The following CBLC variants were observed in gnomAD, a reference collection of about 807,000 sequenced individuals.
The protein encoded by CBLC is E3 ubiquitin-protein ligase CBL-C.
Under a neutral mutation model 58.6 loss-of-function variants are expected in CBLC, and 46 were observed. The observed-to-expected ratio is 0.79, with a 90% confidence interval of 0.62 to 1.00. The LOEUF (loss-of-function observed/expected upper bound fraction) is 1.00, where lower values mean the gene tolerates loss of function less well. Among genes scored for constraint, CBLC ranks in the 50% least tolerant of loss-of-function variants. The pLI is 0.00. For missense variants in CBLC, 655 were observed against 625.8 expected, an observed-to-expected ratio of 1.05 and a Z score of -0.50; for synonymous variants, 271 against 264.2, an observed-to-expected ratio of 1.03 and a Z score of -0.25.
intron 4 of CBLC, among the ~76,000 whole-genome samples, chr19:44,783,813 C>T (rs1967812483): frequency 6.6e-6 from 1 of 152,180 alleles, no homozygotes; most frequent in Non-Finnish European, 1.5e-5. Flanking sequence ...CTGTTTGCTT[C>T]ATTCTCAAAC....
chr19:44,798,651 C>T lies in CBLC; in HGVS notation c.1363-1730C>T, dbSNP rs79669907. The stretch of plus-strand genomic sequence containing the variant: ...AATCGCTTGATTCTCGCTTGATTAT[C>T]GCTTCCGCCAGGAGGTGGAAGTTGC... On this transcript the variant is annotated intron_variant, in intron 9 of 10. Coordinates refer to ENST00000647358, the MANE Select transcript of CBLC (RefSeq NM_012116.4). Among the ~76,000 whole-genome samples the T allele has an allele frequency of 6.7e-3, 1,020 of 152,168 alleles. 12 individuals carry two copies. Among genetic ancestry groups the T allele is most frequent in the African/African-American group, 0.024 (976 of 41,528 alleles).
chr19:44,781,184 T>TC, intron 2 of CBLC, 23 bp from the exon 3 acceptor site: 1 of 1,596,878 alleles, frequency 6.3e-7, no homozygotes, highest in Non-Finnish European at 8.5e-7. Context: ...CAGCGGTGTC[T>TC]CCCCCACCCC....
chr19:44,797,722 T>C (rs977018831), intron 9 of CBLC, among the ~76,000 whole-genome samples: 2 of 146,032 alleles, frequency 1.4e-5, no homozygotes, highest in African/African-American at 5.0e-5. Context: ...GCCATTGCAC[T>C]CCAGCCTGGG....
rs753946761 is a variant in CBLC at position 44,782,422 on chromosome 19, G to A, written c.710G>A (p.Gly237Asp). The A allele has an allele frequency of 1.2e-6, 2 of 1,613,722 alleles. No homozygotes were observed. Among genetic ancestry groups the A allele is most frequent in the East Asian group, 4.5e-5 (2 of 44,878 alleles). ...CAGCTCCTGGCAGTCAACCACCCAG[G>A]CTACATGGCCTTCCTCACCTATGAT... ...NWQLLAVNHP[G>D]YMAFLTYDEV... The change falls in exon 4 of 11, where the codon GGC becomes GAC. Residue 237 changes from glycine (G) to aspartate (D), a missense_variant. Gly to Asp is a moderately conservative substitution (Grantham distance 94). This residue lies in a region of CBLC where 371 missense variants were observed against 370.8 expected (regional missense o/e 1.00). Transcript: ENST00000647358.
intron 1 of CBLC, among the ~76,000 whole-genome samples, chr19:44,780,630 G>A (rs934165263): frequency 1.3e-5 from 2 of 150,422 alleles, no homozygotes; most frequent in African/African-American, 2.4e-5. Context: ...GCGCCACCAC[G>A]CCAGGCTAAT....
At position 44,784,260 on chromosome 19, in the gene CBLC, C is replaced by G. The variant is rs377370583; in HGVS notation, c.780-4C>G. The G allele has an allele frequency of 5.8e-6, 9 of 1,564,386 alleles. No homozygotes were observed. The highest frequency in any genetic ancestry group is 7.9e-6 in the Non-Finnish European group (9 of 1,141,260). On this transcript the variant is annotated splice_region_variant and splice_polypyrimidine_tract_variant and intron_variant, in intron 4 of 10. Coordinates refer to ENST00000647358, the MANE Select transcript of CBLC (RefSeq NM_012116.4). ...CACCCCATCCTACCTACCTCTCCCT[C>G]CAGTTACATCTTCCGGCCCAGCTGT... is the stretch of plus-strand genomic sequence containing the variant.
In CBLC at chr19:44,782,486, A is replaced by G; in HGVS notation, c.774A>G (p.Pro258=). Residue 258 remains proline (P), a synonymous_variant, in exon 4 of 11, where the codon CCA becomes CCG. Coordinates refer to ENST00000647358, the MANE Select transcript of CBLC (RefSeq NM_012116.4). Reference sequence around the variant, plus strand: ...GTCTGCAGGCCTGCAGGGACAAGCCAGGCAGGTAAAGGGTCCAGGGCTCAG... The same window carrying G: ...GTCTGCAGGCCTGCAGGGACAAGCCGGGCAGGTAAAGGGTCCAGGGCTCAG... ...QERLQACRDK[P]GSYIFRPSCT... 6.2e-7 allele frequency: 1 copy of G among 1,613,200 alleles called. No homozygotes were observed. Among genetic ancestry groups the G allele is most frequent in the South Asian group, 1.1e-5 (1 of 91,054 alleles).
rs114699167 is a variant in CBLC at position 44,794,337 on chromosome 19, C to T, written c.1362+56C>T. On this transcript the variant is annotated intron_variant, in intron 9 of 10. Coordinates refer to ENST00000647358, the MANE Select transcript of CBLC (RefSeq NM_012116.4). ...CTGGGGTCTCACTCACCTCCAGGGTCCCTGGTTCACCTGTGCACTCAGGGG... is the reference window on the plus strand; with the variant it reads ...CTGGGGTCTCACTCACCTCCAGGGTTCCTGGTTCACCTGTGCACTCAGGGG... The T allele has an allele frequency of 1.4e-3, 2,105 of 1,547,116 alleles. 12 individuals carry two copies. In the African/African-American group the frequency reaches 0.02, roughly 15 times the overall value.
In CBLC at chr19:44,794,293, G is replaced by A. The variant is rs779576249; in HGVS notation, c.1362+12G>A. The A allele has an allele frequency of 1.2e-5, 20 of 1,611,780 alleles. 1 individual carries two copies. The Middle Eastern group carries it at 5.0e-4, about 40-fold the overall frequency. ...CCCAGCCGAAAGTGGTGAGTCAGGC[G>A]CTGGTCTGAGGTTGGGGGCTGGGGT... On this transcript the variant is annotated intron_variant, in intron 9 of 10. Coordinates refer to ENST00000647358, the MANE Select transcript of CBLC (RefSeq NM_012116.4).
At chr19:44,787,484 T>C (rs918989763) in intron 5 of CBLC, among the ~76,000 whole-genome samples, 1 of 151,648 alleles carries the variant, frequency 6.6e-6, no homozygotes, top group African/African-American at 2.4e-5. Context: ...GCATTTAAAA[T>C]TTTTTTCTAA....
intron 5 of CBLC, among the ~76,000 whole-genome samples, chr19:44,788,708 G>A (rs999947295): frequency 1.3e-5 from 2 of 152,038 alleles, no homozygotes; most frequent in Admixed American, 6.6e-5. Flanking sequence ...TCACCATGTT[G>A]GCCAGGCTGG....
chr19:44,788,853 G>A (rs1967976130), intron 5 of CBLC, among the ~76,000 whole-genome samples: 1 of 152,184 alleles, frequency 6.6e-6, no homozygotes, highest in South Asian at 2.1e-4. Context: ...GCATGATCAT[G>A]TCCATGTTAC....
intron 1 of CBLC, among the ~76,000 whole-genome samples, chr19:44,780,254 C>T (rs1343740932): frequency 5.3e-5 from 8 of 151,862 alleles, no homozygotes; most frequent in Admixed American, 5.3e-4. Flanking sequence ...CCTGCCTCAG[C>T]CTCCCAAGTA....
intron 1 of CBLC, 84 bp from the exon 2 acceptor site, chr19:44,780,821 C>A: frequency 7.1e-7 from 1 of 1,399,626 alleles, no homozygotes; most frequent in Non-Finnish European, 9.9e-7. Flanking sequence ...AGAGCCTTAT[C>A]CCTGCAGGTG....
At position 44,781,299 on chromosome 19, in the gene CBLC, T is replaced by C. The variant is rs868021585; in HGVS notation, c.593T>C (p.Ile198Thr). 1.2e-6 allele frequency: 2 copies of C among 1,613,472 alleles called. No homozygotes were observed. The highest frequency in any genetic ancestry group is 1.3e-5 in the African/African-American group (1 of 74,946). The change falls in exon 3 of 11, where the codon ATT becomes ACT. Residue 198 changes from isoleucine to threonine, a missense_variant. By Grantham distance (89) the Ile-to-Thr change is moderately conservative (BLOSUM62 -1). Transcript: ENST00000647358. Reference protein sequence around the residue: ...GCTALALRTTIDLTCSGHVSI... With the variant: ...GCTALALRTTTDLTCSGHVSI... ...ACAGCCCTGGCCTTGCGCACCACCA[T>C]TGACCTCACCTGCAGCGGGCACGTG...
chr19:44,787,373 G>A (rs28465377), intron 5 of CBLC, among the ~76,000 whole-genome samples: 3,110 of 151,920 alleles, frequency 0.02, 97 homozygotes, highest in African/African-American at 0.069. Flanking sequence ...CAGCCTGGGT[G>A]ACAGAACCAG....
intron 6 of CBLC, among the ~76,000 whole-genome samples, chr19:44,790,458 A>G (rs1030477576): frequency 6.6e-6 from 1 of 152,030 alleles, no homozygotes; most frequent in Non-Finnish European, 1.5e-5. Context: ...ATTTTTAGAG[A>G]CAGAATCTCT....
At chr19:44,794,063 A>G in intron 8 of CBLC, 141 bp from the exon 9 acceptor site, 1 of 1,410,126 alleles carries the variant, frequency 7.1e-7, no homozygotes, top group Middle Eastern at 2.0e-4. Flanking sequence ...AACCCTCCTA[A>G]GTGTTCATAC....
At position 44,782,390 on chromosome 19, in the gene CBLC, G is replaced by A; in HGVS notation, c.678G>A (p.Lys226=). The A allele has an allele frequency of 1.2e-6, 2 of 1,613,720 alleles. No individual in the cohort carries two copies. Among genetic ancestry groups the A allele is most frequent in the Admixed American group, 1.7e-5 (1 of 59,990 alleles). The part of the protein sequence containing the change: ...RLFQPWPTLL[K]NWQLLAVNHP... ...CCCAGCCATGGCCAACACTCCTCAA[G>A]AACTGGCAGCTCCTGGCAGTCAACC... The change falls in exon 4 of 11, where the codon AAG becomes AAA. Residue 226 remains lysine, a synonymous_variant. Transcript: ENST00000647358.
Sources: gnomAD v4.1 joint callset for allele counts (sites outside exome capture counted in the v4.1 genomes callset) on GRCh38, gnomAD v4.1.1 for gene constraint, gnomAD v4.1.1 regional missense constraint, MANE v1.5 for transcripts, NCBI Gene and HGNC (gene_info 2026-07-23, HGNC 2026-07-21) for gene names.